SRC: variants seen among roughly 807,000 people sequenced by gnomAD.
SRC encodes proto-oncogene tyrosine-protein kinase Src.
In SRC, 13 loss-of-function variants were observed where a neutral mutation model predicts 62.9. The ratio of observed to expected loss-of-function variants is 0.21; its 90% confidence interval spans 0.13 to 0.33. The LOEUF (loss-of-function observed/expected upper bound fraction) is 0.33. Among genes scored for constraint, SRC ranks in the 10% least tolerant of loss-of-function variants. SRC has a pLI of 1.00. For missense variants in SRC, 457 were observed against 737.3 expected, an observed-to-expected ratio of 0.62 and a Z score of 4.40; for synonymous variants, 302 against 317.5, an observed-to-expected ratio of 0.95 and a Z score of 0.52.
intron 9 of SRC, 89 bp from the exon 10 acceptor site, chr20:37,400,026 A>T: frequency 7.4e-7 from 1 of 1,360,312 alleles, no homozygotes; most frequent in Non-Finnish European, 9.9e-7. Context: ...GCCACAGCTG[A>T]CACTGGCGCC....
intron 5 of SRC, among the ~76,000 whole-genome samples, chr20:37,390,925 G>A (rs1239996739): frequency 6.6e-6 from 1 of 152,176 alleles, no homozygotes; most frequent in Non-Finnish European, 1.5e-5. Context: ...TAAAATTGGA[G>A]TGCATCTCAT....
chr20:37,388,805 G>A (rs1185886986), intron 5 of SRC, among the ~76,000 whole-genome samples: 2 of 151,566 alleles, frequency 1.3e-5, no homozygotes, highest in South Asian at 4.2e-4. Context: ...TAGAAGAGGA[G>A]AGGGAAAGGG....
Position 37,397,759 on chromosome 20 carries a change from C to T in SRC, c.764C>T (p.Thr255Ile). Residue 255 changes from threonine to isoleucine, a missense_variant, in exon 9 of 14, where the codon ACT (threonine) becomes ATT (isoleucine). Around this residue, in one of 4 missense-constraint regions of SRC, gnomAD observed 141 missense variants for 198.4 expected, o/e 0.71. Transcript: ENST00000373578. The surrounding 1 kb of genome is among the most constrained non-coding windows in gnomAD (Gnocchi z 4.1). The part of the protein sequence containing the change: ...TTVCPTSKPQ[T>I]QGLAKDAWEI... ...GTGTGCCCCACGTCCAAGCCGCAGA[C>T]TCAGGGCCTGGCCAAGGATGCCTGG... 5.0e-6 allele frequency: 8 copies of T among 1,612,032 alleles called. No homozygotes were observed. Among genetic ancestry groups the T allele is most frequent in the Non-Finnish European group, 6.8e-6 (8 of 1,179,396 alleles).
chr20:37,369,642 A>G (rs1045416955), intron 2 of SRC, among the ~76,000 whole-genome samples: 7 of 151,952 alleles, frequency 4.6e-5, no homozygotes, highest in Non-Finnish European at 7.4e-5. Context: ...TTTCGTTCCT[A>G]ATTGTCCGGG....
chr20:37,357,580 C>T (rs1487864780), intron 1 of SRC, among the ~76,000 whole-genome samples: 1 of 152,198 alleles, frequency 6.6e-6, no homozygotes, highest in Non-Finnish European at 1.5e-5. Flanking sequence ...AGAAGTGGCC[C>T]CCGTCCCCGT....
intron 10 of SRC, 28 bp downstream of exon 10, chr20:37,400,322 G>T: frequency 6.3e-7 from 1 of 1,583,324 alleles, no homozygotes; most frequent in Non-Finnish European, 8.6e-7. Flanking sequence ...GGGGCAGGGG[G>T]CAGGGGCACT....
At chr20:37,361,940 GGTCTCTGTGTGCAGGTAGAGATGTA>G in intron 1 of SRC, among the ~76,000 whole-genome samples, 1 of 150,332 alleles carries the variant, frequency 6.7e-6, no homozygotes, top group Admixed American at 6.6e-5. Flanking sequence ...GAGATGCCGG[GGTCTCTGTGTGCAGGTAGAGATGTA>G]GAGATGCTGG....
intron 2 of SRC, among the ~76,000 whole-genome samples, chr20:37,368,318 T>C (rs1000332169): frequency 6.6e-6 from 1 of 151,858 alleles, no homozygotes; most frequent in Non-Finnish European, 1.5e-5. Context: ...CTCAGGAGGA[T>C]GAGGCAGGAC....
intron 2 of SRC, among the ~76,000 whole-genome samples, chr20:37,373,517 T>A (rs1465784980): frequency 6.6e-6 from 1 of 151,744 alleles, no homozygotes; most frequent in Admixed American, 6.6e-5. Flanking sequence ...CACCATGTTG[T>A]TCAGGCTGGT....
At chr20:37,369,033 T>C (rs1194816749) in intron 2 of SRC, among the ~76,000 whole-genome samples, 1 of 152,260 alleles carries the variant, frequency 6.6e-6, no homozygotes, top group African/African-American at 2.4e-5. Flanking sequence ...TTTTGGACTC[T>C]GAATTCCCCT....
In SRC at chr20:37,404,893, T is replaced by TGCATGTGTGC. The variant is rs1232030102; in HGVS notation, c.*1516_*1525dup. 4.7e-5 allele frequency: 11 copies of TGCATGTGTGC among 233,768 alleles called. No individual in the cohort carries two copies. The highest frequency in any genetic ancestry group is 8.5e-5 in the Non-Finnish European group (10 of 118,200). The allele number at this position is 233,768 out of a possible 1,614,324, so 14.5% of individuals were successfully genotyped here. A position where few individuals can be genotyped will look rare whatever the true frequency, so the allele number is the denominator to read the frequency against. On this transcript the variant is annotated 3_prime_UTR_variant, in exon 14 of 14. Transcript: ENST00000373578. The stretch of plus-strand genomic sequence containing the variant: ...GGGTCCCTGTGTGTGTGTATGTGTG[T>TGCATGTGTGC]GCATGTGTGCGTGTCTCCATGTGCG...
At chr20:37,376,822 G>A (rs1008984706) in intron 2 of SRC, among the ~76,000 whole-genome samples, 7 of 152,214 alleles carry the variant, frequency 4.6e-5, no homozygotes, top group African/African-American at 1.7e-4. Context: ...GTTTTTGACT[G>A]CTCTGTGATG....
Position 37,396,664 on chromosome 20 carries a change from C to A in SRC, c.703+353C>A. On this transcript the variant is annotated intron_variant, in intron 8 of 13. Transcript: ENST00000373578. The surrounding 1 kb of genome is among the most constrained non-coding windows in gnomAD (Gnocchi z 6.1). ...AGGCTGGTGTCATTTGTCTCTGTAG[C>A]CCTAGGACCGGTCTGAACCGGTTGC... 3.2e-6 allele frequency: 1 copy of A among 309,914 alleles called. No individual in the cohort carries two copies. The highest frequency in any genetic ancestry group is 6.2e-6 in the Non-Finnish European group (1 of 162,234). 19.2% of individuals were successfully genotyped at this position (309,914 alleles called of 1,614,324 possible).
In SRC at chr20:37,397,677, G is replaced by T. The variant is rs774381456; in HGVS notation, c.704-22G>T. On this transcript the variant is annotated intron_variant, in intron 8 of 13. Coordinates refer to ENST00000373578, the MANE Select transcript of SRC (RefSeq NM_198291.3). The surrounding 1 kb of genome is among the most constrained non-coding windows in gnomAD (Gnocchi z 4.1). ...CCCAGGGCAGAAGACCCGCCTAACT[G>T]CTCCTCCTGCCTCCTCCTCAGAACA... 6.5e-6 allele frequency: 10 copies of T among 1,539,376 alleles called. No homozygotes were observed. Among genetic ancestry groups the T allele is most frequent in the African/African-American group, 1.4e-5 (1 of 72,920 alleles).
chr20:37,386,120 C>A lies in SRC; in HGVS notation c.296C>A (p.Thr99Lys), dbSNP rs1451326787. ...FVALYDYESR[T>K]ETDLSFKKGE... is the part of the protein sequence containing the mutation. ...GCCCTCTATGACTATGAGTCTAGGA[C>A]GGAGACAGACCTGTCCTTCAAGAAA... is the stretch of plus-strand genomic sequence containing the variant. Residue 99 changes from threonine to lysine, a missense_variant, in exon 5 of 14, where the codon ACG (threonine) becomes AAG (lysine). By Grantham distance (78) the Thr-to-Lys change is moderately conservative (BLOSUM62 -1). Coordinates refer to ENST00000373578, the MANE Select transcript of SRC (RefSeq NM_198291.3). 5 of 1,614,090 alleles carry A rather than the reference C, an allele frequency of 3.1e-6. No individual in the cohort carries two copies. The highest frequency in any genetic ancestry group is 4.2e-6 in the Non-Finnish European group (5 of 1,180,042).
chr20:37,384,233 C>A lies in SRC; in HGVS notation c.80C>A (p.Ala27Asp). The change falls in exon 4 of 14, where the codon GCT becomes GAT. Residue 27 changes from alanine (A) to aspartate (D), a missense_variant. Coordinates refer to ENST00000373578, the MANE Select transcript of SRC (RefSeq NM_198291.3). This position sits in a 1 kb window ranked among gnomAD's most constrained non-coding sequence, Gnocchi z 6.7. ...SLEPAENVHG[A>D]GGGAFPASQT... ...GAGCCCGCCGAGAACGTGCACGGCG[C>A]TGGCGGGGGCGCTTTCCCCGCCTCG... 1 of 1,574,582 alleles carries A rather than the reference C, an allele frequency of 6.4e-7. No homozygotes were observed. The highest frequency in any genetic ancestry group is 8.6e-7 in the Non-Finnish European group (1 of 1,167,498).
At chr20:37,379,660 G>T (rs904491894) in intron 2 of SRC, among the ~76,000 whole-genome samples, 16 of 150,356 alleles carry the variant, frequency 1.1e-4, no homozygotes, top group African/African-American at 3.9e-4. Context: ...GGAGGCGAAG[G>T]GTGCAGTGAG....
intron 2 of SRC, among the ~76,000 whole-genome samples, chr20:37,365,743 C>T (rs1346959021): frequency 6.6e-6 from 1 of 152,136 alleles, no homozygotes; most frequent in African/African-American, 2.4e-5. Context: ...TGCACCACAC[C>T]CAGCCAGTTA....
intron 1 of SRC, among the ~76,000 whole-genome samples, chr20:37,361,696 G>C (rs1440381903): frequency 6.6e-6 from 1 of 152,216 alleles, no homozygotes; most frequent in Non-Finnish European, 1.5e-5. Context: ...GATGACCTAC[G>C]GCTGGGAGAG....
Sources: allele counts gnomAD v4.1 joint callset (sites outside exome capture counted in the v4.1 genomes callset), GRCh38; gene constraint gnomAD v4.1.1; regional missense constraint gnomAD v4.1.1; non-coding constraint Gnocchi (gnomAD v3.1); transcripts MANE v1.5; gene names NCBI Gene and HGNC (gene_info 2026-07-23, HGNC 2026-07-21).